Variants in LPP observed in about 807,000 individuals in gnomAD.
LPP encodes the protein LIM domain containing preferred translocation partner in lipoma.
Under a neutral mutation model 60.4 loss-of-function variants are expected in LPP, and 38 were observed. The ratio of observed to expected loss-of-function variants is 0.63; its 90% CI spans 0.49 to 0.83. The LOEUF (loss-of-function observed/expected upper bound fraction) is 0.83. Ranked by LOEUF, LPP falls within the 40% of genes least tolerant of loss-of-function variation. LPP has a pLI of 0.00. For synonymous variants in LPP, 328 were observed against 290.8 expected (o/e 1.13, Z -1.30); for missense variants, 902 against 783.6 (o/e 1.15, Z -1.80).
At chr3:188,226,124 T>C (rs1415949879) in intron 2 of LPP, among the ~76,000 whole-genome samples, 1 of 152,174 alleles carries the variant, frequency 6.6e-6, no homozygotes, top group African/African-American at 2.4e-5. Context: ...TTCTCCTGCC[T>C]CAGCCTCCCG....
At chr3:188,627,289 A>G (rs1847021045) in intron 7 of LPP, among the ~76,000 whole-genome samples, 1 of 152,184 alleles carries the variant, frequency 6.6e-6, no homozygotes, top group Admixed American at 6.5e-5. Context: ...AAATGCTTAT[A>G]TATCAGTATT....
chr3:188,159,120 A>T (rs10937342), intron 1 of LPP, among the ~76,000 whole-genome samples: 2 of 152,084 alleles, frequency 1.3e-5, no homozygotes, highest in East Asian at 3.9e-4. Context: ...GTAGAGAGGC[A>T]GTTAGGGTCA....
chr3:188,734,432 G>A (rs1178120763), intron 8 of LPP, among the ~76,000 whole-genome samples: 3 of 152,148 alleles, frequency 2.0e-5, no homozygotes, highest in Non-Finnish European at 2.9e-5. Context: ...TGTCAGCTGG[G>A]AACACTAAAT....
At chr3:188,633,065 GT>G (rs1298957436) in intron 7 of LPP, among the ~76,000 whole-genome samples, 1 of 152,220 alleles carries the variant, frequency 6.6e-6, no homozygotes, top group Admixed American at 6.5e-5. Context: ...GACAGAACCA[GT>G]AGGGATATCT....
intron 2 of LPP, among the ~76,000 whole-genome samples, chr3:188,301,083 C>G (rs975973521): frequency 6.6e-6 from 1 of 152,174 alleles, no homozygotes; most frequent in African/African-American, 2.4e-5. Context: ...TTTCCATACA[C>G]CTGCCCATCC....
chr3:188,703,091 C>T (rs1221068020), intron 7 of LPP, among the ~76,000 whole-genome samples: 2 of 152,188 alleles, frequency 1.3e-5, no homozygotes, highest in Non-Finnish European at 2.9e-5. Context: ...TGAGATTTCA[C>T]ATCTGTGAAA....
intron 2 of LPP, among the ~76,000 whole-genome samples, chr3:188,295,953 C>T (rs1747735703): frequency 6.6e-6 from 1 of 152,158 alleles, no homozygotes; most frequent in Non-Finnish European, 1.5e-5. Context: ...CTCACTTTCA[C>T]CACATCTGCC....
intron 7 of LPP, among the ~76,000 whole-genome samples, chr3:188,653,416 A>G (rs1362649803): frequency 6.6e-6 from 1 of 152,062 alleles, no homozygotes; most frequent in Non-Finnish European, 1.5e-5. Flanking sequence ...TATAGGTGTA[A>G]TAGAAATTTT....
chr3:188,290,933 C>G (rs1745727416), intron 2 of LPP, among the ~76,000 whole-genome samples: 1 of 152,230 alleles, frequency 6.6e-6, no homozygotes, highest in African/African-American at 2.4e-5. Context: ...TCCCATTTCC[C>G]TCTTCTCTAG....
intron 6 of LPP, among the ~76,000 whole-genome samples, chr3:188,550,694 G>T (rs1827899827): frequency 6.6e-6 from 1 of 151,890 alleles, no homozygotes; most frequent in Non-Finnish European, 1.5e-5. Flanking sequence ...TAGCTGGTTA[G>T]CTGCACTTAC....
intron 8 of LPP, among the ~76,000 whole-genome samples, chr3:188,756,018 A>G (rs534436215): frequency 1.3e-5 from 2 of 152,196 alleles, no homozygotes; most frequent in South Asian, 4.1e-4. Flanking sequence ...ACTTCTGTAA[A>G]GTCTTTCTGT....
chr3:188,335,365 G>T (rs1351928355), intron 2 of LPP, among the ~76,000 whole-genome samples: 2 of 152,136 alleles, frequency 1.3e-5, no homozygotes, highest in South Asian at 2.1e-4. Flanking sequence ...AACTATCCTT[G>T]TATCCCTCGG....
intron 7 of LPP, among the ~76,000 whole-genome samples, chr3:188,701,943 CCTT>C (rs1435939352): frequency 2.5e-5 from 3 of 121,724 alleles, no homozygotes; most frequent in African/African-American, 8.6e-5. Context: ...TGTTTTTTTC[CCTT>C]TTTTTTTTTT....
At chr3:188,469,229 T>TTAAC (rs1801189331) in intron 4 of LPP, among the ~76,000 whole-genome samples, 1 of 152,150 alleles carries the variant, frequency 6.6e-6, no homozygotes, top group Admixed American at 6.5e-5. Context: ...GATCTGGGAC[T>TTAAC]TAACCTTTGC....
intron 4 of LPP, among the ~76,000 whole-genome samples, chr3:188,470,990 G>A (rs74387447): frequency 0.019 from 2,891 of 152,248 alleles, 62 homozygotes; most frequent in Middle Eastern, 0.034. Flanking sequence ...TCCAGTTAGA[G>A]GATTCCTCCT....
intron 2 of LPP, among the ~76,000 whole-genome samples, chr3:188,297,509 G>A (rs576903259): frequency 1.9e-4 from 29 of 152,200 alleles, no homozygotes; most frequent in Admixed American, 3.9e-4. Flanking sequence ...TAGATTGATG[G>A]TACAAATGAG....
At chr3:188,600,381 A>C in intron 6 of LPP, among the ~76,000 whole-genome samples, 1 of 151,190 alleles carries the variant, frequency 6.6e-6, no homozygotes, top group Middle Eastern at 3.5e-3. Flanking sequence ...TAAAATAACC[A>C]ATGTTATCAG....
At chr3:188,302,637 G>A (rs1431225101) in intron 2 of LPP, among the ~76,000 whole-genome samples, 1 of 152,148 alleles carries the variant, frequency 6.6e-6, no homozygotes. Context: ...AAGACAGAAA[G>A]GTCTCCTCCA....
intron 6 of LPP, among the ~76,000 whole-genome samples, chr3:188,551,139 G>C (rs956987016): frequency 1.3e-5 from 2 of 152,162 alleles, no homozygotes; most frequent in African/African-American, 2.4e-5. Flanking sequence ...GGAAGAAAAG[G>C]ATATTTTATT....
Sources: gnomAD v4.1 joint callset for allele counts (sites outside exome capture counted in the v4.1 genomes callset) on GRCh38, gnomAD v4.1.1 for gene constraint, MANE v1.5 for transcripts, NCBI Gene and HGNC (gene_info 2026-07-23, HGNC 2026-07-21) for gene names.